SULF2: variants seen among roughly 807,000 people sequenced by gnomAD.
The protein encoded by SULF2 is sulfatase 2, also known as extracellular sulfatase Sulf-2.
SULF2 carries 52 observed loss-of-function variants against 107.7 expected under a neutral mutation model. The observed-to-expected ratio is 0.48, with a 90% CI of 0.39 to 0.61. The LOEUF (loss-of-function observed/expected upper bound fraction) is 0.61. SULF2 is among the 20% of genes least tolerant of loss of function. The pLI, the probability that SULF2 is intolerant of heterozygous loss-of-function variation, is 0.00. For missense variants in SULF2, 993 were observed against 1,177.3 expected (o/e 0.84, Z 2.29); for synonymous variants, 460 against 464.3 (o/e 0.99, Z 0.12).
intron 1 of SULF2, among the ~76,000 whole-genome samples, chr20:47,766,648 G>A (rs2090533426): frequency 6.6e-6 from 1 of 152,182 alleles, no homozygotes; most frequent in African/African-American, 2.4e-5. Flanking sequence ...TGCCCTCCTG[G>A]AAGTGATACT....
intron 5 of SULF2, 59 bp from the exon 6 acceptor site, chr20:47,684,640 C>A (rs1450686213): frequency 2.5e-6 from 4 of 1,571,890 alleles, no homozygotes; most frequent in Admixed American, 3.5e-5. Flanking sequence ...CCCTGCCTGG[C>A]CCCCGCCAGA....
Position 47,777,396 on chromosome 20 carries a change from G to T in SULF2, c.-101+7947C>A, listed in dbSNP as rs555999054. Among the ~76,000 whole-genome samples, 5 of 152,306 alleles carry T rather than the reference G, an allele frequency of 3.3e-5. No homozygotes were observed. In the East Asian group the frequency reaches 9.6e-4, roughly 29 times the overall value. On this transcript the variant is annotated intron_variant, in intron 1 of 20. Transcript: ENST00000688720. ...TCCTGTCCTATAGTCCCACTTTGTA[G>T]GGTGATGCGACGTCTGGAGCTGTGG...
At chr20:47,697,851 T>G (rs1375619383) in intron 4 of SULF2, among the ~76,000 whole-genome samples, 1 of 152,148 alleles carries the variant, frequency 6.6e-6, no homozygotes, top group African/African-American at 2.4e-5. Flanking sequence ...GAGGCGTGGA[T>G]GTGGTGAAGA....
At chr20:47,713,988 C>T (rs1179740833) in intron 3 of SULF2, among the ~76,000 whole-genome samples, 1 of 151,988 alleles carries the variant, frequency 6.6e-6, no homozygotes, top group Non-Finnish European at 1.5e-5. Context: ...GTCGGCTGAG[C>T]ATGACACACA....
intron 2 of SULF2, among the ~76,000 whole-genome samples, chr20:47,754,701 T>G (rs1295146365): frequency 6.6e-6 from 1 of 152,218 alleles, no homozygotes; most frequent in Non-Finnish European, 1.5e-5. Context: ...TGTTTAAATT[T>G]CCAGCAACAA....
At chr20:47,724,788 G>A (rs563631263) in intron 3 of SULF2, among the ~76,000 whole-genome samples, 13 of 152,120 alleles carry the variant, frequency 8.5e-5, no homozygotes, top group Non-Finnish European at 1.2e-4. Context: ...TTTAATTATC[G>A]CCTTGGAGGA....
rs779530436 is a variant in SULF2, at chr20:47,779,299, A to T, written c.-101+6044T>A. On this transcript the variant is annotated intron_variant, in intron 1 of 20. Transcript: ENST00000688720. ...ACCTATACTGTCTCCGGATAGTGTT[A>T]AAATGTTTTCTGGGTGTCAAAATCA... 5.1e-4 allele frequency among the ~76,000 whole-genome samples: 77 copies of T among 152,182 alleles called. 1 individual carries two copies. The highest frequency in any genetic ancestry group is 2.6e-3 in the Admixed American group (40 of 15,286).
At chr20:47,670,700 A>G (rs1265025988) in intron 11 of SULF2, among the ~76,000 whole-genome samples, 17 of 3,012 alleles carry the variant, frequency 5.6e-3, no homozygotes, top group Admixed American at 9.3e-3. Flanking sequence ...GGGTGGGAGA[A>G]CGGGGTGGGG....
At chr20:47,737,931 A>G (rs1230744323) in intron 2 of SULF2, among the ~76,000 whole-genome samples, 1 of 151,466 alleles carries the variant, frequency 6.6e-6, no homozygotes, top group African/African-American at 2.4e-5. Flanking sequence ...TTTAGTAGAG[A>G]TGACGTTTCG....
chr20:47,746,180 T>G (rs1409086170), intron 2 of SULF2, among the ~76,000 whole-genome samples: 2 of 152,186 alleles, frequency 1.3e-5, no homozygotes, highest in Non-Finnish European at 2.9e-5. Context: ...AACCCTTAGC[T>G]GATTCAATTC....
In SULF2 at chr20:47,666,452, C is replaced by T. The variant is rs772061980; in HGVS notation, c.1613G>A (p.Arg538His). ...GCCGTCCACCTCGATGGCCACTGAGCGGATGGAGCGACTGCGGACATAGCT... is the reference window on the plus strand; with the variant it reads ...GCCGTCCACCTCGATGGCCACTGAGTGGATGGAGCGACTGCGGACATAGCT... ...KASYVRSRSI[R>H]SVAIEVDGRV... The change falls in exon 12 of 21, where the codon CGC (arginine) becomes CAC (histidine). Residue 538 changes from arginine (R) to histidine (H), a missense_variant. This residue lies in a region of SULF2 where 497 missense variants were observed against 544.1 expected (regional missense o/e 0.91). Coordinates refer to ENST00000688720, the MANE Select transcript of SULF2 (RefSeq NM_001387048.1). The surrounding 1 kb of genome is among the most constrained non-coding windows in gnomAD (Gnocchi z 5.4). The T allele has an allele frequency of 8.2e-5, 132 of 1,613,494 alleles. No homozygotes were observed. Among genetic ancestry groups the T allele is most frequent in the Non-Finnish European group, 1.1e-4 (126 of 1,180,030 alleles).
chr20:47,761,740 C>T (rs2090423622), intron 1 of SULF2, among the ~76,000 whole-genome samples: 1 of 152,202 alleles, frequency 6.6e-6, no homozygotes, highest in Admixed American at 6.5e-5. Flanking sequence ...CAAACTCTAG[C>T]CATCGAATCA....
At chr20:47,721,628 C>A (rs1600570934) in intron 3 of SULF2, among the ~76,000 whole-genome samples, 1 of 152,336 alleles carries the variant, frequency 6.6e-6, no homozygotes, top group Non-Finnish European at 1.5e-5. Flanking sequence ...CCTCAGCCTC[C>A]CAAAGTGCTG....
intron 1 of SULF2, among the ~76,000 whole-genome samples, chr20:47,781,304 T>C (rs1293927907): frequency 6.6e-6 from 1 of 152,256 alleles, no homozygotes; most frequent in Non-Finnish European, 1.5e-5. Context: ...TCGCAGGCAC[T>C]GGCCATCTGC....
Position 47,704,844 on chromosome 20 carries a change from C to G in SULF2, c.416-2174G>C, listed in dbSNP as rs1257475582. 5.3e-5 allele frequency among the ~76,000 whole-genome samples: 8 copies of G among 152,170 alleles called. No individual in the cohort carries two copies. The East Asian group carries it at 1.5e-3, about 29-fold the overall frequency. ...AGAAGCCAGGATGAAGAGAGAAAGG[C>G]CAGGGAGGTGAACCCCCAGAGGAAG... On this transcript the variant is annotated intron_variant, in intron 3 of 20. Coordinates refer to ENST00000688720, the MANE Select transcript of SULF2 (RefSeq NM_001387048.1).
intron 4 of SULF2, among the ~76,000 whole-genome samples, chr20:47,695,817 T>C (rs1010837997): frequency 6.6e-6 from 1 of 152,238 alleles, no homozygotes; most frequent in Non-Finnish European, 1.5e-5. Flanking sequence ...TTCCCCATGT[T>C]GGCCAGGCTG....
chr20:47,666,285 C>T lies in SULF2; in HGVS notation c.1780G>A (p.Ala594Thr), dbSNP rs763644883. The change falls in exon 12 of 21, where the codon GCC (alanine) becomes ACC (threonine). Residue 594 changes from alanine to threonine, a missense_variant. Coordinates refer to ENST00000688720, the MANE Select transcript of SULF2 (RefSeq NM_001387048.1). The surrounding 1 kb of genome is among the most constrained non-coding windows in gnomAD (Gnocchi z 5.4). The stretch of plus-strand genomic sequence containing the variant: ...CGATGTGTCACTTTAATGGGGTTGG[C>T]GGCTGAGTAGTCGGGAAGGCCTCCA... ...GTGGLPDYSA[A>T]NPIKVTHRCY... 46 of 1,613,982 alleles carry T rather than the reference C, an allele frequency of 2.9e-5. No homozygotes were observed. Among genetic ancestry groups the T allele is most frequent in the East Asian group, 4.5e-5 (2 of 44,890 alleles).
rs1384336629 is a variant in SULF2 at position 47,748,246 on chromosome 20, A to G, written c.175+8943T>C. Among the ~76,000 whole-genome samples the G allele has an allele frequency of 2.6e-5, 4 of 151,878 alleles. No individual in the cohort carries two copies. In the East Asian group the frequency reaches 7.8e-4, roughly 29 times the overall value. On this transcript the variant is annotated intron_variant, in intron 2 of 20. Transcript: ENST00000688720. ...CTGCCCTCCTCCAACGTCCTGGGAA[A>G]CCTGTTCCTGCCACAGGGCTCTTGC...
chr20:47,740,506 G>A (rs2089852441), intron 2 of SULF2, among the ~76,000 whole-genome samples: 2 of 152,196 alleles, frequency 1.3e-5, no homozygotes, highest in Admixed American at 1.3e-4. Flanking sequence ...AAACACCAGG[G>A]ATGCTGGTGG....
Sources: gnomAD v4.1 joint callset for allele counts (sites outside exome capture counted in the v4.1 genomes callset) on GRCh38, gnomAD v4.1.1 for gene constraint, gnomAD v4.1.1 regional missense constraint, Gnocchi (gnomAD v3.1) non-coding constraint, MANE v1.5 for transcripts, NCBI Gene and HGNC (gene_info 2026-07-23, HGNC 2026-07-21) for gene names.